The following ENPP1 variants were observed in gnomAD, a reference collection of about 807,000 sequenced individuals.
The protein encoded by ENPP1 is ectonucleotide pyrophosphatase/phosphodiesterase 1.
Under a neutral mutation model 122.8 loss-of-function variants are expected in ENPP1, and 73 were observed. The observed-to-expected ratio is 0.59, with a 90% CI of 0.49 to 0.72. The LOEUF (loss-of-function observed/expected upper bound fraction) is 0.72, where lower values mean the gene tolerates loss of function less well. ENPP1 is among the 30% of genes least tolerant of loss of function. The probability of loss-of-function intolerance (pLI) is 0.00; values close to 1 mark genes in which losing one functional copy is unlikely to be tolerated. For synonymous variants in ENPP1, 367 were observed against 391.6 expected (o/e 0.94, Z 0.74); for missense variants, 978 against 1,128.1 (o/e 0.87, Z 1.91).
intron 20 of ENPP1, among the ~76,000 whole-genome samples, chr6:131,881,940 A>AC (rs1446694408): frequency 1.3e-5 from 2 of 151,936 alleles, no homozygotes; most frequent in Non-Finnish European, 2.9e-5. Context: ...AATCGCTTGA[A>AC]CCTGGGGGGC....
intron 1 of ENPP1, among the ~76,000 whole-genome samples, chr6:131,824,360 C>T (rs2114663002): frequency 6.6e-6 from 1 of 152,016 alleles, no homozygotes; most frequent in South Asian, 2.1e-4. Context: ...TTGGAGGAGG[C>T]CAGGATGGCT....
chr6:131,840,984 C>T (rs1300635350), intron 1 of ENPP1, among the ~76,000 whole-genome samples: 1 of 152,092 alleles, frequency 6.6e-6, no homozygotes, highest in African/African-American at 2.4e-5. Context: ...TTTCATGTGA[C>T]TAGTTATGTA....
At chr6:131,836,994 C>T (rs964675283) in intron 1 of ENPP1, among the ~76,000 whole-genome samples, 3 of 151,984 alleles carry the variant, frequency 2.0e-5, no homozygotes, top group Non-Finnish European at 4.4e-5. Flanking sequence ...ACAAGTACTA[C>T]CTTATGTGTG....
chr6:131,877,060 C>G lies in ENPP1; in HGVS notation c.1792C>G (p.Pro598Ala), dbSNP rs777093714. 5.0e-6 allele frequency: 8 copies of G among 1,614,046 alleles called. No homozygotes were observed. The Admixed American group carries it at 5.0e-5, about 10-fold the overall frequency. ...AAGTCTTAACCACCTTCTAAAGAATCCTGTTTATACGCCAAAGCATCCCAA... is the reference window on the plus strand; with the variant it reads ...AAGTCTTAACCACCTTCTAAAGAATGCTGTTTATACGCCAAAGCATCCCAA... ...HGSLNHLLKN[P>A]VYTPKHPKEV... Residue 598 changes from proline (P) to alanine (A), a missense_variant, in exon 18 of 25, where the codon CCT becomes GCT. Pro to Ala is a conservative substitution (Grantham distance 27). Transcript: ENST00000647893.
At chr6:131,850,179 G>A in intron 3 of ENPP1, 73 bp downstream of exon 3, 5 of 1,051,234 alleles carry the variant, frequency 4.8e-6, no homozygotes, top group Admixed American at 1.7e-5. Flanking sequence ...GTGTCTTTCA[G>A]GTATGTGATT....
At chr6:131,832,586 G>A (rs1378082641) in intron 1 of ENPP1, among the ~76,000 whole-genome samples, 2 of 152,164 alleles carry the variant, frequency 1.3e-5, no homozygotes, top group Non-Finnish European at 2.9e-5. Flanking sequence ...CATCAGCTCT[G>A]TAAACTCAAA....
chr6:131,832,184 T>C (rs1351027674), intron 1 of ENPP1, among the ~76,000 whole-genome samples: 2 of 152,098 alleles, frequency 1.3e-5, no homozygotes, highest in African/African-American at 4.8e-5. Flanking sequence ...GTTTTTTTTT[T>C]TCCTTACAGA....
chr6:131,856,607 G>T (rs1230311568), intron 6 of ENPP1, among the ~76,000 whole-genome samples: 1 of 143,602 alleles, frequency 7.0e-6, no homozygotes, highest in Non-Finnish European at 1.5e-5. Context: ...TTCTTCTAGG[G>T]TTTTTATGGT....
intron 21 of ENPP1, among the ~76,000 whole-genome samples, chr6:131,883,138 C>G (rs767475847): frequency 6.6e-6 from 1 of 152,134 alleles, no homozygotes; most frequent in Non-Finnish European, 1.5e-5. Flanking sequence ...AGGCAAAAAT[C>G]AGAAAGCTCC....
chr6:131,836,104 A>G (rs916630144), intron 1 of ENPP1, among the ~76,000 whole-genome samples: 3 of 150,418 alleles, frequency 2.0e-5, no homozygotes, highest in African/African-American at 7.3e-5. Context: ...CCCCAAAAAG[A>G]GTGTGTGGTT....
chr6:131,834,955 G>A (rs1015758758), intron 1 of ENPP1, among the ~76,000 whole-genome samples: 1 of 152,110 alleles, frequency 6.6e-6, no homozygotes, highest in Non-Finnish European at 1.5e-5. Context: ...TAAATTTGTA[G>A]ACATTTTACA....
In ENPP1 at chr6:131,872,106, G is replaced by C; in HGVS notation, c.1437+5G>C. On this transcript the variant is annotated splice_donor_5th_base_variant and intron_variant, in intron 14 of 24. Coordinates refer to ENST00000647893, the MANE Select transcript of ENPP1 (RefSeq NM_006208.3). The stretch of plus-strand genomic sequence containing the variant: ...GGCATTGCCCGAAATCTTTCTGTGA[G>C]TATCTTTATTTTCCATTATCTAGTT... 1 of 1,577,152 alleles carries C rather than the reference G, an allele frequency of 6.3e-7. No homozygotes were observed. The highest frequency in any genetic ancestry group is 8.7e-7 in the Non-Finnish European group (1 of 1,150,358).
intron 5 of ENPP1, among the ~76,000 whole-genome samples, chr6:131,852,959 A>C (rs574268342): frequency 6.6e-6 from 1 of 152,262 alleles, no homozygotes; most frequent in African/African-American, 2.4e-5. Context: ...GTATGTGTGG[A>C]ATTTAAAGGG....
At chr6:131,844,587 G>GAAAGT (rs1160877) in intron 1 of ENPP1, among the ~76,000 whole-genome samples, 36,133 of 151,928 alleles carry the variant, frequency 0.24, 7,326 homozygotes, top group African/African-American at 0.55. Context: ...GATGAAGAAT[G>GAAAGT]AAAGTAAAGA....
At chr6:131,814,577 T>C (rs1195647061) in intron 1 of ENPP1, among the ~76,000 whole-genome samples, 1 of 152,164 alleles carries the variant, frequency 6.6e-6, no homozygotes. Flanking sequence ...AAAATTATAA[T>C]TCAATTAGCT....
chr6:131,860,317 AT>A, intron 7 of ENPP1, 69 bp from the exon 8 acceptor site: 3 of 1,220,498 alleles, frequency 2.5e-6, no homozygotes, highest in Admixed American at 1.9e-5. Context: ...CTTTTTGATG[AT>A]TTTTTTCTGT....
intron 24 of ENPP1, among the ~76,000 whole-genome samples, chr6:131,887,451 G>A (rs1420231522): frequency 4.0e-5 from 6 of 150,702 alleles, no homozygotes; most frequent in African/African-American, 1.5e-4. Flanking sequence ...GGAGTGCAGT[G>A]GCATGATCTC....
At chr6:131,877,877 A>ATT (rs1782255439) in intron 18 of ENPP1, 1 of 120,668 alleles carries the variant, frequency 8.3e-6, no homozygotes, top group East Asian at 2.2e-4. Flanking sequence ...ATATATATAT[A>ATT]TATATATATA....
At chr6:131,868,428 A>G (rs1294030049) in intron 12 of ENPP1, among the ~76,000 whole-genome samples, 1 of 151,772 alleles carries the variant, frequency 6.6e-6, no homozygotes, top group Non-Finnish European at 1.5e-5. Context: ...TGATTATTAT[A>G]GCTTCAATTT....
Sources: allele counts gnomAD v4.1 joint callset (sites outside exome capture counted in the v4.1 genomes callset), GRCh38; gene constraint gnomAD v4.1.1; transcripts MANE v1.5; gene names NCBI Gene and HGNC (gene_info 2026-07-23, HGNC 2026-07-21).